GPHN: variants seen among roughly 807,000 people sequenced by gnomAD.
GPHN encodes gephyrin.
In GPHN, 17 loss-of-function variants were observed where a neutral mutation model predicts 95.5. That is an observed-to-expected ratio of 0.18 (90% CI 0.12 to 0.27). The LOEUF (loss-of-function observed/expected upper bound fraction) is 0.27, where lower values mean the gene tolerates loss of function less well. Ranked by LOEUF, GPHN falls within the 10% of genes least tolerant of loss-of-function variation. GPHN has a pLI of 1.00. For missense variants in GPHN, 660 were observed against 978.1 expected, an observed-to-expected ratio of 0.67 and a Z score of 4.34; for synonymous variants, 320 against 322.5, an observed-to-expected ratio of 0.99 and a Z score of 0.08.
intron 1 of GPHN, among the ~76,000 whole-genome samples, chr14:66,545,426 C>T (rs1333606490): frequency 2.1e-5 from 3 of 141,204 alleles, no homozygotes; most frequent in Non-Finnish European, 3.1e-5. Flanking sequence ...GCTGGCCGGG[C>T]AGAGGGGCTC....
chr14:67,429,503 C>G, the GPHN span, among the ~76,000 whole-genome samples: 3 of 149,604 alleles, frequency 2.0e-5, no homozygotes, highest in East Asian at 6.1e-4. Flanking sequence ...TGGCTCATGG[C>G]CACAGGTGGA....
At chr14:66,774,231 T>C (rs1432146734) in intron 2 of GPHN, among the ~76,000 whole-genome samples, 2 of 151,952 alleles carry the variant, frequency 1.3e-5, no homozygotes, top group African/African-American at 4.8e-5. Flanking sequence ...CTCGATCTCC[T>C]GACCTCGTGA....
At chr14:67,459,785 T>A in the GPHN span, among the ~76,000 whole-genome samples, 1 of 152,224 alleles carries the variant, frequency 6.6e-6, no homozygotes, top group Non-Finnish European at 1.5e-5. Context: ...ATCGTTGAAG[T>A]GCCTGGAAAG....
rs934142387 is a variant in GPHN at position 67,140,108 on chromosome 14, G to T, written c.1749-3254G>T. On this transcript the variant is annotated intron_variant, in intron 17 of 22. Transcript: ENST00000478722. ...AACATGAAAATAATGAGTAAGGCTG[G>T]CACGGCGGCTCACACCTGTAATCCC... Among the ~76,000 whole-genome samples, 20 of 152,230 alleles carry T rather than the reference G, an allele frequency of 1.3e-4. 1 individual carries two copies. Among genetic ancestry groups the T allele is most frequent in the African/African-American group, 4.6e-4 (19 of 41,552 alleles).
At chr14:66,564,172 T>A (rs1343019100) in intron 1 of GPHN, among the ~76,000 whole-genome samples, 1 of 152,114 alleles carries the variant, frequency 6.6e-6, no homozygotes, top group African/African-American at 2.4e-5. Flanking sequence ...TTATCTACCC[T>A]GGTGGTTCTT....
chr14:66,899,617 C>T (rs376016406), intron 5 of GPHN, among the ~76,000 whole-genome samples: 1 of 151,850 alleles, frequency 6.6e-6, no homozygotes, highest in Admixed American at 6.6e-5. Flanking sequence ...GGAGTAAACC[C>T]ACTTGGTCCT....
intron 2 of GPHN, among the ~76,000 whole-genome samples, chr14:66,702,383 A>G (rs1384011926): frequency 6.6e-6 from 1 of 152,198 alleles, no homozygotes; most frequent in Non-Finnish European, 1.5e-5. Flanking sequence ...CCTATACAGG[A>G]GCGATCCTAC....
chr14:67,156,223 A>G (rs913703007), intron 18 of GPHN, among the ~76,000 whole-genome samples: 2 of 152,190 alleles, frequency 1.3e-5, no homozygotes, highest in African/African-American at 4.8e-5. Flanking sequence ...TGAATACTAT[A>G]TAGTGAATAT....
the GPHN span, chr14:67,575,856 C>A: frequency 8.1e-4 from 1,310 of 1,613,850 alleles, 17 homozygotes; most frequent in African/African-American, 0.016. Context: ...GCGGGATGCG[C>A]ACATAGAGGA....
intron 1 of GPHN, among the ~76,000 whole-genome samples, chr14:66,627,448 T>C (rs1409394909): frequency 6.6e-6 from 1 of 152,052 alleles, no homozygotes; most frequent in East Asian, 1.9e-4. Context: ...GAGTATTTCA[T>C]TGCATGAATG....
chr14:67,506,219 C>T, the GPHN span, among the ~76,000 whole-genome samples: 1 of 152,038 alleles, frequency 6.6e-6, no homozygotes, highest in Non-Finnish European at 1.5e-5. Flanking sequence ...GACTCTGCTT[C>T]ATAAAGCGGG....
intron 2 of GPHN, among the ~76,000 whole-genome samples, chr14:66,774,111 T>C (rs2059290191): frequency 6.9e-6 from 1 of 145,226 alleles, no homozygotes; most frequent in South Asian, 2.3e-4. Flanking sequence ...CATGCCATTC[T>C]CCTGCCTCAG....
the GPHN span, among the ~76,000 whole-genome samples, chr14:67,404,788 C>T: frequency 6.6e-6 from 1 of 151,976 alleles, no homozygotes; most frequent in African/African-American, 2.4e-5. Context: ...CCATCCTGGG[C>T]AACAGAGTGA....
the GPHN span, among the ~76,000 whole-genome samples, chr14:67,511,505 C>A: frequency 6.6e-6 from 1 of 152,052 alleles, no homozygotes; most frequent in Non-Finnish European, 1.5e-5. Flanking sequence ...AGCCGAGAAT[C>A]CCGAAAAAAA....
At chr14:66,538,688 A>C (rs928061154) in intron 1 of GPHN, among the ~76,000 whole-genome samples, 1 of 150,710 alleles carries the variant, frequency 6.6e-6, no homozygotes, top group Non-Finnish European at 1.5e-5. Flanking sequence ...TAGCCTATGG[A>C]TAATGGCTAT....
chr14:66,653,553 C>G (rs770092023), intron 1 of GPHN, among the ~76,000 whole-genome samples: 19 of 152,092 alleles, frequency 1.2e-4, no homozygotes, highest in Non-Finnish European at 2.8e-4. Context: ...ACAAGGATCC[C>G]TCAATTTGCC....
the GPHN span, among the ~76,000 whole-genome samples, chr14:67,672,690 G>A: frequency 4.6e-5 from 7 of 151,632 alleles, no homozygotes; most frequent in South Asian, 4.2e-4. Flanking sequence ...TGATCCGCCC[G>A]CCTCGGCTTC....
intron 20 of GPHN, among the ~76,000 whole-genome samples, chr14:67,165,762 C>T (rs2082241120): frequency 6.6e-6 from 1 of 152,194 alleles, no homozygotes; most frequent in African/African-American, 2.4e-5. Context: ...CCAAATCCTA[C>T]TCATCATCAG....
the GPHN span, among the ~76,000 whole-genome samples, chr14:67,337,014 G>C: frequency 6.6e-6 from 1 of 152,152 alleles, no homozygotes; most frequent in East Asian, 1.9e-4. Context: ...CTACTTTCTA[G>C]CTTTTTAACT....
Sources: gnomAD v4.1 joint callset for allele counts (sites outside exome capture counted in the v4.1 genomes callset) on GRCh38, gnomAD v4.1.1 for gene constraint, MANE v1.5 for transcripts, NCBI Gene and HGNC (gene_info 2026-07-23, HGNC 2026-07-21) for gene names.